FAM167A: variants seen among roughly 807,000 people sequenced by gnomAD.
FAM167A encodes the protein protein FAM167A.
A neutral mutation model predicts 14.9 loss-of-function variants in FAM167A; 23 were observed. That is an observed-to-expected ratio of 1.55 (90% CI 1.11 to 2.19). FAM167A has a LOEUF of 2.19. FAM167A is among the 30% of genes most tolerant of loss of function. The pLI is 0.00. For missense variants in FAM167A, 401 were observed against 281.5 expected (o/e 1.42, Z -3.04); for synonymous variants, 174 against 117.7 (o/e 1.48, Z -3.10).
intron 2 of FAM167A, among the ~76,000 whole-genome samples, chr8:11,443,382 C>G (rs10088323): frequency 0.53 from 80,702 of 152,110 alleles, 22,495 homozygotes; most frequent in African/African-American, 0.7. Context: ...TGTGCCTTTA[C>G]CTCACACCTG....
rs554534813 is a variant in FAM167A at position 11,435,236 on chromosome 8, G to A, written c.381+8795C>T. ...TCCCTTCTCCACCTGTCACCCTTCA[G>A]GACCAGCTCAGCCTTTGTCCCTCTC... On this transcript the variant is annotated intron_variant, in intron 2 of 2. Coordinates refer to ENST00000284486, the MANE Select transcript of FAM167A (RefSeq NM_053279.3). 8.3e-4 allele frequency: 343 copies of A among 414,366 alleles called. 7 individuals carry two copies. The highest frequency in any genetic ancestry group is 4.6e-3 in the Middle Eastern group (9 of 1,954). The allele number at this position is 414,366 out of a possible 1,614,324, so 25.7% of individuals were successfully genotyped here. A position where few individuals can be genotyped will look rare whatever the true frequency, so the allele number is the denominator to read the frequency against.
At chr8:11,449,696 C>T (rs975482864) in intron 1 of FAM167A, among the ~76,000 whole-genome samples, 2 of 152,214 alleles carry the variant, frequency 1.3e-5, no homozygotes, top group Non-Finnish European at 2.9e-5. Context: ...TGGGGGGGCG[C>T]GTCAGCCTTT....
intron 1 of FAM167A, among the ~76,000 whole-genome samples, chr8:11,475,644 G>T (rs1042118666): frequency 6.6e-6 from 1 of 152,098 alleles, no homozygotes; most frequent in African/African-American, 2.4e-5. Context: ...CCCCACACAA[G>T]CACACCCATA....
At chr8:11,454,302 A>C (rs974326796) in intron 1 of FAM167A, among the ~76,000 whole-genome samples, 4 of 152,216 alleles carry the variant, frequency 2.6e-5, no homozygotes, top group Admixed American at 2.0e-4. Context: ...CCAAGCCTAA[A>C]ACTCCACATC....
chr8:11,469,998 G>T (rs1807903911), upstream of FAM167A, among the ~76,000 whole-genome samples: 1 of 152,268 alleles, frequency 6.6e-6, no homozygotes, highest in African/African-American at 2.4e-5. Context: ...ATACGTATTA[G>T]TACCACTAAA....
intron 1 of FAM167A, among the ~76,000 whole-genome samples, chr8:11,450,334 A>G (rs945598276): frequency 6.6e-6 from 1 of 152,190 alleles, no homozygotes; most frequent in African/African-American, 2.4e-5. Flanking sequence ...ACACCACACG[A>G]GCTGTGGTGC....
At chr8:11,435,832 A>T (rs1805967025) in intron 2 of FAM167A, among the ~76,000 whole-genome samples, 1 of 152,264 alleles carries the variant, frequency 6.6e-6, no homozygotes, top group Admixed American at 6.5e-5. Context: ...ACTACTGATC[A>T]TTTATGAGAA....
intron 1 of FAM167A, among the ~76,000 whole-genome samples, chr8:11,459,859 G>C (rs1291861096): frequency 6.6e-6 from 1 of 152,108 alleles, no homozygotes; most frequent in East Asian, 1.9e-4. Flanking sequence ...GGGATTACAG[G>C]CACCCACCAC....
rs540019827 is a variant in FAM167A at position 11,449,433 on chromosome 8, C to T, written c.-397-4625G>A. ...TGGAAAAGCAGTGGAGGCCTCCCCT[C>T]GCTTGACAAACCAGGGACTCCTGGG... is the stretch of plus-strand genomic sequence containing the variant. On this transcript the variant is annotated intron_variant, in intron 1 of 2. Coordinates refer to ENST00000284486, the MANE Select transcript of FAM167A (RefSeq NM_053279.3). Among the ~76,000 whole-genome samples, 10 of 152,300 alleles carry T rather than the reference C, an allele frequency of 6.6e-5. No homozygotes were observed. In the South Asian group the frequency reaches 8.3e-4, roughly 13 times the overall value.
intron 1 of FAM167A, among the ~76,000 whole-genome samples, chr8:11,461,901 C>T (rs1464028597): frequency 3.3e-5 from 5 of 152,234 alleles, no homozygotes; most frequent in East Asian, 1.9e-4. Flanking sequence ...GGCACCTCCA[C>T]GTTCGGGCTG....
chr8:11,430,399 T>G (rs541248402), intron 2 of FAM167A, among the ~76,000 whole-genome samples: 47 of 152,276 alleles, frequency 3.1e-4, no homozygotes, highest in Admixed American at 1.1e-3. Flanking sequence ...TTTGTTTTTT[T>G]GGGGGCAGAC....
upstream of FAM167A, among the ~76,000 whole-genome samples, chr8:11,471,339 A>G (rs1807955420): frequency 6.6e-6 from 1 of 152,268 alleles, no homozygotes; most frequent in South Asian, 2.1e-4. Context: ...ATGAGGAAGG[A>G]GCGCATCACG....
intron 2 of FAM167A, among the ~76,000 whole-genome samples, chr8:11,439,634 G>A (rs1806307322): frequency 6.6e-6 from 1 of 152,008 alleles, no homozygotes. Context: ...GCGGGAGGAG[G>A]GTGTCTGCAG....
intron 2 of FAM167A, among the ~76,000 whole-genome samples, chr8:11,432,478 C>T (rs1805677064): frequency 6.6e-6 from 1 of 152,324 alleles, no homozygotes; most frequent in Middle Eastern, 3.4e-3. Flanking sequence ...CACTCATCAT[C>T]ACTGGTCATT....
intron 2 of FAM167A, among the ~76,000 whole-genome samples, chr8:11,427,629 C>T (rs1051999306): frequency 6.6e-6 from 1 of 152,138 alleles, no homozygotes; most frequent in African/African-American, 2.4e-5. Context: ...ATTAAGTGAC[C>T]TTGCCAGCGA....
intron 2 of FAM167A, among the ~76,000 whole-genome samples, chr8:11,431,261 G>T (rs989684429): frequency 6.6e-6 from 1 of 152,254 alleles, no homozygotes; most frequent in Non-Finnish European, 1.5e-5. Flanking sequence ...GAATCTTGAG[G>T]ACATTATGCT....
Position 11,424,459 on chromosome 8 carries a change from C to A in FAM167A, c.559G>T (p.Ala187Ser). The A allele has an allele frequency of 6.2e-7, 1 of 1,614,030 alleles. No individual in the cohort carries two copies. Among genetic ancestry groups the A allele is most frequent in the Non-Finnish European group, 8.5e-7 (1 of 1,179,986 alleles). ...GGTGTGGAGAGGCTGAAGGAGGAGGCAAGAGGGGAGTCACAGAAGAGGTCG... is the reference window on the plus strand; with the variant it reads ...GGTGTGGAGAGGCTGAAGGAGGAGGAAAGAGGGGAGTCACAGAAGAGGTCG... ...LADLFCDSPL[A>S]SSFSLSTPLK... Residue 187 changes from alanine (A) to serine (S), a missense_variant, in exon 3 of 3, where the codon GCC (alanine) becomes TCC (serine). Ala to Ser is a moderately conservative substitution (Grantham distance 99, BLOSUM62 1). Coordinates refer to ENST00000284486, the MANE Select transcript of FAM167A (RefSeq NM_053279.3).
rs372168207 is a variant in FAM167A, at chr8:11,446,822, G to A, written c.-397-2014C>T. ...AGCTGCTTTCTGGGGCCCCTCCCAG[G>A]CGCCGTCTGCCTCTTTGCTGAGGTG... On this transcript the variant is annotated intron_variant, in intron 1 of 2. Transcript: ENST00000284486. Among the ~76,000 whole-genome samples, 39 of 152,354 alleles carry A rather than the reference G, an allele frequency of 2.6e-4. 2 individuals are homozygous for A. In the South Asian group the frequency reaches 7.9e-3, roughly 31 times the overall value.
chr8:11,433,070 A>T (rs1262741829), intron 2 of FAM167A, among the ~76,000 whole-genome samples: 1 of 152,028 alleles, frequency 6.6e-6, no homozygotes, highest in Non-Finnish European at 1.5e-5. Context: ...GTTGGGGGGT[A>T]GGGAGGGATA....
Sources: gnomAD v4.1 joint callset for allele counts (sites outside exome capture counted in the v4.1 genomes callset) on GRCh38, gnomAD v4.1.1 for gene constraint, MANE v1.5 for transcripts, NCBI Gene and HGNC (gene_info 2026-07-23, HGNC 2026-07-21) for gene names.